Variants in KIF3A observed in about 807,000 individuals in gnomAD.
KIF3A encodes the protein kinesin-like protein KIF3A.
Under a neutral mutation model 92.6 loss-of-function variants are expected in KIF3A, and 27 were observed. That is an observed-to-expected ratio of 0.29 (90% confidence interval 0.21 to 0.40). KIF3A has a LOEUF of 0.40. Among genes scored for constraint, KIF3A ranks in the 10% least tolerant of loss-of-function variants. The probability of loss-of-function intolerance (pLI) is 1.00; values close to 1 mark genes in which losing one functional copy is unlikely to be tolerated. For missense variants in KIF3A, 581 were observed against 872.6 expected, an observed-to-expected ratio of 0.67 and a Z score of 4.21; for synonymous variants, 250 against 275.4, an observed-to-expected ratio of 0.91 and a Z score of 0.92.
chr5:132,711,805 T>A (rs191201774), intron 8 of KIF3A, among the ~76,000 whole-genome samples: 1 of 152,278 alleles, frequency 6.6e-6, no homozygotes, highest in Non-Finnish European at 1.5e-5. Context: ...ATGATCCCAC[T>A]TTTAGGACTG....
chr5:132,709,056 T>A (rs1350545843), intron 9 of KIF3A, 78 bp from the exon 10 acceptor site: 6 of 1,137,456 alleles, frequency 5.3e-6, no homozygotes, highest in Admixed American at 2.4e-5. Flanking sequence ...CAGAGAAAAA[T>A]TCAGTTTTCA....
intron 8 of KIF3A, among the ~76,000 whole-genome samples, chr5:132,714,721 C>T (rs776599172): frequency 2.6e-5 from 4 of 151,980 alleles, no homozygotes; most frequent in Non-Finnish European, 5.9e-5. Flanking sequence ...CACAACAATG[C>T]GAATATACTT....
chr5:132,718,546 G>A (rs778611986), intron 5 of KIF3A, among the ~76,000 whole-genome samples: 1 of 152,180 alleles, frequency 6.6e-6, no homozygotes, highest in Admixed American at 6.5e-5. Context: ...CTGGCCTCAA[G>A]TGATCCATCC....
Position 132,708,982 on chromosome 5 carries a change from GAA to G in KIF3A, c.1229-6_1229-5del. On this transcript the variant is annotated splice_polypyrimidine_tract_variant and splice_region_variant and intron_variant, in intron 9 of 18. Coordinates refer to ENST00000403231, the MANE Select transcript of KIF3A (RefSeq NM_001300791.2). ...GAACTACTGCTGCTGCTACTGCCTG[GAA>G]AACAAAGAAATGAGCCCAACAGGAA... is the stretch of plus-strand genomic sequence containing the variant. 6.5e-7 allele frequency: 1 copy of G among 1,547,514 alleles called. No individual in the cohort carries two copies. Among genetic ancestry groups the G allele is most frequent in the African/African-American group, 1.4e-5 (1 of 73,014 alleles).
rs567629745 is a variant in KIF3A, at chr5:132,706,416, T to C, written c.1309+35A>G. ...ACATAGTTCTTTATAGGATAAATAATTGTACCATGTGGAGTGCAAATCAAT... is the reference window on the plus strand; with the variant it reads ...ACATAGTTCTTTATAGGATAAATAACTGTACCATGTGGAGTGCAAATCAAT... On this transcript the variant is annotated intron_variant, in intron 11 of 18. Coordinates refer to ENST00000403231, the MANE Select transcript of KIF3A (RefSeq NM_001300791.2). 3.8e-4 allele frequency: 563 copies of C among 1,486,348 alleles called. 2 individuals carry two copies. The highest frequency in any genetic ancestry group is 1.9e-3 in the Admixed American group (83 of 43,464). The allele number at this position is 1,486,348 out of a possible 1,614,324, so 92.1% of individuals were successfully genotyped here.
intron 4 of KIF3A, chr5:132,723,702 A>C (rs1199779265): frequency 6.6e-6 from 1 of 152,258 alleles, no homozygotes; most frequent in Non-Finnish European, 1.5e-5. Context: ...AAACCCTAGA[A>C]GAAAACCTAG....
chr5:132,728,615 T>C (rs962239123), intron 2 of KIF3A, among the ~76,000 whole-genome samples: 1 of 151,984 alleles, frequency 6.6e-6, no homozygotes, highest in Non-Finnish European at 1.5e-5. Flanking sequence ...CACATGCCTG[T>C]AGTCCCAGCT....
At chr5:132,701,336 T>C (rs1753029374) in intron 15 of KIF3A, among the ~76,000 whole-genome samples, 1 of 151,626 alleles carries the variant, frequency 6.6e-6, no homozygotes, top group African/African-American at 2.4e-5. Flanking sequence ...CCATCTCTAC[T>C]AAATATACAA....
intron 8 of KIF3A, among the ~76,000 whole-genome samples, chr5:132,715,387 A>C (rs926966763): frequency 1.6e-4 from 25 of 152,234 alleles, no homozygotes; most frequent in Admixed American, 1.2e-3. Flanking sequence ...TACTTCAAAC[A>C]ATAGTTAGTT....
At chr5:132,690,372 T>C (rs946347422), downstream of KIF3A, among the ~76,000 whole-genome samples, 2 of 151,012 alleles carry the variant, frequency 1.3e-5, no homozygotes, top group Admixed American at 6.6e-5. Flanking sequence ...GCCTGGGCAA[T>C]AGAGCAAAAC....
At chr5:132,705,340 G>A (rs1253268184) in intron 11 of KIF3A, among the ~76,000 whole-genome samples, 1 of 151,886 alleles carries the variant, frequency 6.6e-6, no homozygotes, top group Non-Finnish European at 1.5e-5. Flanking sequence ...TGGGACATAT[G>A]TTAAGACAAA....
intron 3 of KIF3A, 48 bp from the exon 4 acceptor site, chr5:132,726,260 A>G (rs916492429): frequency 1.8e-5 from 28 of 1,578,342 alleles, no homozygotes; most frequent in Non-Finnish European, 2.4e-5. Context: ...TATTCATAAG[A>G]ACGGTTTTAA....
At chr5:132,724,805 AAAT>A (rs1171190698) in intron 4 of KIF3A, among the ~76,000 whole-genome samples, 20 of 16,686 alleles carry the variant, frequency 1.2e-3, no homozygotes, top group African/African-American at 1.8e-3. Context: ...AAAAAAAAAA[AAAT>A]ATATATATAT....
At chr5:132,725,996 C>G (rs1440828704) in intron 4 of KIF3A, 132 bp downstream of exon 4, 1 of 559,826 alleles carries the variant, frequency 1.8e-6, no homozygotes, top group Non-Finnish European at 3.1e-6. Flanking sequence ...TGCAGATGTA[C>G]GACATTATAT....
At chr5:132,724,571 C>G (rs985421257) in intron 4 of KIF3A, among the ~76,000 whole-genome samples, 25 of 151,726 alleles carry the variant, frequency 1.6e-4, no homozygotes, top group Middle Eastern at 3.4e-3. Context: ...CATGTTCTCA[C>G]TTATAGGTGA....
At chr5:132,724,806 A>AAAAAT (rs59476182) in intron 4 of KIF3A, among the ~76,000 whole-genome samples, 2 of 22,696 alleles carry the variant, frequency 8.8e-5, no homozygotes, top group African/African-American at 3.6e-4. Context: ...AAAAAAAAAA[A>AAAAAT]ATATATATAT....
chr5:132,719,621 A>T (rs1753759992), intron 5 of KIF3A, among the ~76,000 whole-genome samples: 1 of 151,442 alleles, frequency 6.6e-6, no homozygotes, highest in South Asian at 2.1e-4. Flanking sequence ...CCTCCCGAGT[A>T]ACTGGGATTA....
chr5:132,690,317 G>C (rs553159399), downstream of KIF3A, among the ~76,000 whole-genome samples: 1 of 152,284 alleles, frequency 6.6e-6, no homozygotes, highest in Admixed American at 6.5e-5. Context: ...CTTGAACCCA[G>C]GAGTTCAAGG....
At chr5:132,712,279 G>A (rs6864565) in intron 8 of KIF3A, among the ~76,000 whole-genome samples, 89,518 of 151,952 alleles carry the variant, frequency 0.59, 28,535 homozygotes, top group Non-Finnish European at 0.73. Context: ...AAAACCTTTT[G>A]TAGTGCCAAA....
Sources: allele counts gnomAD v4.1 joint callset (sites outside exome capture counted in the v4.1 genomes callset), GRCh38; gene constraint gnomAD v4.1.1; transcripts MANE v1.5; gene names NCBI Gene and HGNC (gene_info 2026-07-23, HGNC 2026-07-21).